DNAJB11: variants seen among roughly 807,000 people sequenced by gnomAD.
The protein encoded by DNAJB11 is DnaJ heat shock protein family (Hsp40) member B11.
Under a neutral mutation model 47.2 loss-of-function variants are expected in DNAJB11, and 30 were observed. The observed-to-expected ratio is 0.64, with a 90% CI of 0.48 to 0.86. DNAJB11 has a LOEUF of 0.86. DNAJB11 is among the 40% of genes least tolerant of loss of function. The probability of loss-of-function intolerance (pLI) is 0.00; values close to 1 mark genes in which losing one functional copy is unlikely to be tolerated. For synonymous variants in DNAJB11, 151 were observed against 159.9 expected (o/e 0.94, Z 0.42); for missense variants, 357 against 440.2 (o/e 0.81, Z 1.69).
chr3:186,581,440 C>G lies in DNAJB11; in HGVS notation c.526C>G (p.Arg176Gly). ...KRKCNCRQEM[R>G]TTQLGPGRFQ... ...GAAGTGCAATTGTCGGCAAGAGATG[C>G]GGACCACCCAGCTGGGCCCTGGGCG... Residue 176 changes from arginine (R) to glycine (G), a missense_variant, in exon 5 of 10, where the codon CGG becomes GGG. Coordinates refer to ENST00000265028, the MANE Select transcript of DNAJB11 (RefSeq NM_016306.6). 1 of 1,613,806 alleles carries G rather than the reference C, an allele frequency of 6.2e-7. No individual in the cohort carries two copies. Among genetic ancestry groups the G allele is most frequent in the East Asian group, 2.2e-5 (1 of 44,864 alleles).
chr3:186,575,356 C>T lies in DNAJB11; in HGVS notation c.226-484C>T, dbSNP rs577637488. ...TGACTTGACAATCTCCTAATACATG[C>T]GCGCGCGCGCGCGTGTGTGTGTGTG... On this transcript the variant is annotated intron_variant, in intron 2 of 9. Coordinates refer to ENST00000265028, the MANE Select transcript of DNAJB11 (RefSeq NM_016306.6). Among the ~76,000 whole-genome samples the T allele has an allele frequency of 1.2e-4, 7 of 59,854 alleles. No homozygotes were observed. In the South Asian group the frequency reaches 2.2e-3, roughly 18 times the overall value. 39.3% of individuals were successfully genotyped at this position (59,854 alleles called of 152,430 possible).
chr3:186,571,022 T>TCTGCTTGGGGGGGGGGGG, intron 1 of DNAJB11, 57 bp downstream of exon 1: 1 of 208,312 alleles, frequency 4.8e-6, no homozygotes, highest in East Asian at 9.8e-5. Context: ...TGCTGGGGGG[T>TCTGCTTGGGGGGGGGGGG]GGGAGGGGGT....
rs565199528 is a variant in DNAJB11, at chr3:186,577,425, C to T, written c.324-243C>T. On this transcript the variant is annotated intron_variant, in intron 3 of 9. Transcript: ENST00000265028. Reference sequence around the variant, plus strand: ...GTATGTACTGTACTATATGTATGGGCTATATTTTGTTAAAAAGTGGATTTT... The same window carrying T: ...GTATGTACTGTACTATATGTATGGGTTATATTTTGTTAAAAAGTGGATTTT... Among the ~76,000 whole-genome samples the T allele has an allele frequency of 2.6e-5, 4 of 152,044 alleles. No homozygotes were observed. In the South Asian group the frequency reaches 8.3e-4, roughly 32 times the overall value.
Position 186,570,740 on chromosome 3 carries a change from C to A in DNAJB11, c.-158C>A. 1.5e-6 allele frequency: 1 copy of A among 671,194 alleles called. No homozygotes were observed. Among genetic ancestry groups the A allele is most frequent in the Non-Finnish European group, 2.6e-6 (1 of 390,136 alleles). 41.6% of individuals were successfully genotyped at this position (671,194 alleles called of 1,614,324 possible). A position where few individuals can be genotyped will look rare whatever the true frequency, so the allele number is the denominator to read the frequency against. ...TCGGGACTCCCGGGAAGTGGACCGG[C>A]AGAAGAGGGGGCTAGCTAGCTGTCT... On this transcript the variant is annotated 5_prime_UTR_variant, in exon 1 of 10. Coordinates refer to ENST00000265028, the MANE Select transcript of DNAJB11 (RefSeq NM_016306.6).
rs1038766426 is a variant in DNAJB11, at chr3:186,581,382, C to G, written c.468C>G (p.Asn156Lys). ...YAGNFVEVVRNKPVARQAPGK... is the reference protein window; with the variant it reads ...YAGNFVEVVRKKPVARQAPGK... ...TATGCACTTCCTAGGTAGTTAGAAA[C>G]AAACCTGTGGCAAGGCAGGCTCCTG... Residue 156 changes from asparagine (N) to lysine (K), a missense_variant, in exon 5 of 10, where the codon AAC becomes AAG. Physicochemically the swap from Asn to Lys is moderately conservative, Grantham distance 94. Coordinates refer to ENST00000265028, the MANE Select transcript of DNAJB11 (RefSeq NM_016306.6). The G allele has an allele frequency of 3.7e-6, 6 of 1,613,726 alleles. No homozygotes were observed. Among genetic ancestry groups the G allele is most frequent in the Admixed American group, 3.3e-5 (2 of 59,962 alleles).
intron 2 of DNAJB11, among the ~76,000 whole-genome samples, chr3:186,573,840 C>A (rs1467441210): frequency 6.6e-6 from 1 of 152,134 alleles, no homozygotes; most frequent in Non-Finnish European, 1.5e-5. Context: ...TTGCTAGGAA[C>A]CTAATACTCA....
intron 2 of DNAJB11, 130 bp downstream of exon 2, chr3:186,572,381 G>A (rs1715102359): frequency 1.1e-6 from 1 of 951,982 alleles, no homozygotes; most frequent in East Asian, 2.9e-5. Flanking sequence ...AGTCTCTATT[G>A]CCTAGGCTGG....
intron 3 of DNAJB11, among the ~76,000 whole-genome samples, chr3:186,577,049 C>G (rs1715324742): frequency 6.6e-6 from 1 of 152,190 alleles, no homozygotes. Flanking sequence ...TTGTTACTTA[C>G]AAAAATTAGT....
rs1283158826 is a variant in DNAJB11 at position 186,584,466 on chromosome 3, G to A, written c.889G>A (p.Ala297Thr). The stretch of plus-strand genomic sequence containing the variant: ...CCGGGATAAGATCACCAGGCCAGGA[G>A]CGAAGCTATGGAAGAAAGGGGAAGG... ...ISRDKITRPG[A>T]KLWKKGEGLP... Residue 297 changes from alanine (A) to threonine (T), a missense_variant, in exon 9 of 10, where the codon GCG becomes ACG. Ala to Thr is a moderately conservative substitution (Grantham distance 58). Transcript: ENST00000265028. 2 of 1,589,060 alleles carry A rather than the reference G, an allele frequency of 1.3e-6. No homozygotes were observed. The highest frequency in any genetic ancestry group is 1.9e-5 in the Admixed American group (1 of 52,870).
chr3:186,583,032 A>G (rs1463704261), intron 7 of DNAJB11, among the ~76,000 whole-genome samples: 2 of 152,250 alleles, frequency 1.3e-5, no homozygotes, highest in African/African-American at 4.8e-5. Context: ...AGAGAAACAA[A>G]CAAGATAGGG....
chr3:186,577,711 C>G lies in DNAJB11; in HGVS notation c.367C>G (p.Gln123Glu), dbSNP rs1343524056. The stretch of plus-strand genomic sequence containing the variant: ...TTTCATGTTTGGAGGAACCCCTCGT[C>G]AGCAAGACAGAAATATTCCAAGAGG... ...FGFMFGGTPR[Q>E]QDRNIPRGSD... Residue 123 changes from glutamine to glutamate, a missense_variant, in exon 4 of 10, where the codon CAG becomes GAG. Physicochemically the swap from Gln to Glu is conservative, Grantham distance 29. Transcript: ENST00000265028. 1 of 1,605,608 alleles carries G rather than the reference C, an allele frequency of 6.2e-7. No homozygotes were observed. The highest frequency in any genetic ancestry group is 8.5e-7 in the Non-Finnish European group (1 of 1,176,268).
chr3:186,584,900 T>A (rs958155791), intron 9 of DNAJB11, among the ~76,000 whole-genome samples: 1 of 151,952 alleles, frequency 6.6e-6, no homozygotes, highest in African/African-American at 2.4e-5. Flanking sequence ...GAAGATGAGG[T>A]AGACTGTAGA....
chr3:186,584,520 A>G lies in DNAJB11; in HGVS notation c.943A>G (p.Lys315Glu). ...GLPNFDNNNI[K>E]GSLIITFDVD... ...CCCCAACTTTGACAACAACAATATCAAGGGCTCTTTGATAATCACTTTTGA... is the reference window on the plus strand; with the variant it reads ...CCCCAACTTTGACAACAACAATATCGAGGGCTCTTTGATAATCACTTTTGA... The change falls in exon 9 of 10, where the codon AAG becomes GAG. Residue 315 changes from lysine (K) to glutamate (E), a missense_variant. Lys to Glu is a moderately conservative substitution (Grantham distance 56). Coordinates refer to ENST00000265028, the MANE Select transcript of DNAJB11 (RefSeq NM_016306.6). 1 of 1,602,842 alleles carries G rather than the reference A, an allele frequency of 6.2e-7. No individual in the cohort carries two copies. Among genetic ancestry groups the G allele is most frequent in the Non-Finnish European group, 8.5e-7 (1 of 1,176,590 alleles).
At chr3:186,574,944 A>G (rs1263704549) in intron 2 of DNAJB11, among the ~76,000 whole-genome samples, 1 of 151,854 alleles carries the variant, frequency 6.6e-6, no homozygotes, top group Non-Finnish European at 1.5e-5. Context: ...ATGTGCATAT[A>G]TATCAGATTG....
Position 186,583,870 on chromosome 3 carries a change from C to G in DNAJB11, c.746C>G (p.Pro249Arg), listed in dbSNP as rs1473982245. 9 of 1,610,174 alleles carry G rather than the reference C, an allele frequency of 5.6e-6. No individual in the cohort carries two copies. The highest frequency in any genetic ancestry group is 7.6e-6 in the Non-Finnish European group (9 of 1,176,838). The part of the protein sequence containing the change: ...LRFRIKVVKH[P>R]IFERRGDDLY... Reference sequence around the variant, plus strand: ...TTACCTTATTCTGTTTTTAGGCACCCAATATTTGAAAGGAGAGGAGATGAT... The same window carrying G: ...TTACCTTATTCTGTTTTTAGGCACCGAATATTTGAAAGGAGAGGAGATGAT... Residue 249 changes from proline (P) to arginine (R), a missense_variant, in exon 8 of 10, where the codon CCA becomes CGA. Physicochemically the swap from Pro to Arg is moderately radical, Grantham distance 103. Transcript: ENST00000265028.
chr3:186,572,341 T>G, intron 2 of DNAJB11, 90 bp downstream of exon 2: 1 of 648,356 alleles, frequency 1.5e-6, no homozygotes, highest in South Asian at 3.7e-5. Flanking sequence ...CAGCTCACAT[T>G]TATTTATTTA....
In DNAJB11 at chr3:186,582,894, G is replaced by T. The variant is rs9851299; in HGVS notation, c.740+121G>T. 0.21 allele frequency: 156,030 copies of T among 746,846 alleles called. 18,861 individuals are homozygous for T. The highest frequency in any genetic ancestry group is 0.45 in the African/African-American group (25,864 of 57,182). The allele number at this position is 746,846 out of a possible 1,614,324, so 46.3% of individuals were successfully genotyped here. A position where few individuals can be genotyped will look rare whatever the true frequency, so the allele number is the denominator to read the frequency against. Reference sequence around the variant, plus strand: ...CCCTTATTACCCTAAACGATGATTTGTAACTCCTCTACAAGGCTGAAAACT... The same window carrying T: ...CCCTTATTACCCTAAACGATGATTTTTAACTCCTCTACAAGGCTGAAAACT... On this transcript the variant is annotated intron_variant, in intron 7 of 9. Transcript: ENST00000265028.
In DNAJB11 at chr3:186,575,723, T is replaced by C. The variant is rs987292075; in HGVS notation, c.226-117T>C. The C allele has an allele frequency of 1.4e-5, 10 of 711,916 alleles. No individual in the cohort carries two copies. In the African/African-American group the frequency reaches 1.6e-4, roughly 12 times the overall value. 44.1% of individuals were successfully genotyped at this position (711,916 alleles called of 1,614,324 possible). On this transcript the variant is annotated intron_variant, in intron 2 of 9. Coordinates refer to ENST00000265028, the MANE Select transcript of DNAJB11 (RefSeq NM_016306.6). The stretch of plus-strand genomic sequence containing the variant: ...CCTTAATACAGTACATAATGGAAAC[T>C]GCATTCTATTAAAATTTTAGACCCA...
chr3:186,576,664 T>G (rs891400258), intron 3 of DNAJB11, among the ~76,000 whole-genome samples: 1 of 152,154 alleles, frequency 6.6e-6, no homozygotes, highest in Non-Finnish European at 1.5e-5. Context: ...TTGCATATAG[T>G]AGTTACCACC....
Sources: gnomAD v4.1 joint callset for allele counts (sites outside exome capture counted in the v4.1 genomes callset) on GRCh38, gnomAD v4.1.1 for gene constraint, MANE v1.5 for transcripts, NCBI Gene and HGNC (gene_info 2026-07-23, HGNC 2026-07-21) for gene names.